Variants in PHF20 observed in about 807,000 individuals in gnomAD.
PHF20 encodes the protein PHD finger protein 20.
In PHF20, 23 loss-of-function variants were observed where a neutral mutation model predicts 113.5. The ratio of observed to expected loss-of-function variants is 0.20; its 90% CI spans 0.15 to 0.29. PHF20 has a LOEUF of 0.29. PHF20 is among the 10% of genes least tolerant of loss of function. PHF20 has a pLI of 1.00. For synonymous variants in PHF20, 434 were observed against 457.3 expected, an observed-to-expected ratio of 0.95 and a Z score of 0.65; for missense variants, 943 against 1,219.6, an observed-to-expected ratio of 0.77 and a Z score of 3.38.
At chr20:35,945,479 CAG>C (rs1279210750) in intron 17 of PHF20, among the ~76,000 whole-genome samples, 1 of 152,116 alleles carries the variant, frequency 6.6e-6, no homozygotes, top group African/African-American at 2.4e-5. Flanking sequence ...TCACAAGAAA[CAG>C]AGGATTTAGA....
chr20:35,859,518 T>C (rs2054177491), intron 5 of PHF20, among the ~76,000 whole-genome samples: 1 of 151,950 alleles, frequency 6.6e-6, no homozygotes, highest in Admixed American at 6.6e-5. Flanking sequence ...TATTTGGTGA[T>C]GCTATAACCT....
At chr20:35,920,607 G>A (rs533936371) in intron 13 of PHF20, among the ~76,000 whole-genome samples, 5 of 152,222 alleles carry the variant, frequency 3.3e-5, no homozygotes, top group South Asian at 4.1e-4. Flanking sequence ...TTCCCTATGC[G>A]GCCTTAGCTA....
chr20:35,871,127 T>C lies in PHF20; in HGVS notation c.1095T>C (p.Ser365=), dbSNP rs371680547. The C allele has an allele frequency of 6.2e-7, 1 of 1,608,246 alleles. No homozygotes were observed. Among genetic ancestry groups the C allele is most frequent in the Non-Finnish European group, 8.5e-7 (1 of 1,178,576 alleles). ...ACACGTTGTCTAGTACCAAGGAATC[T>C]GAAGAAGGTGAGTCAGTCTGTTCAG... The part of the protein sequence containing the change: ...LQDTLSSTKE[S]EEGQLKSALE... Residue 365 remains serine (S), a synonymous_variant, in exon 8 of 18, where the codon TCT becomes TCC. Coordinates refer to ENST00000374012, the MANE Select transcript of PHF20 (RefSeq NM_016436.5).
chr20:35,789,276 C>T (rs1380406568), intron 1 of PHF20, among the ~76,000 whole-genome samples: 1 of 151,934 alleles, frequency 6.6e-6, no homozygotes, highest in East Asian at 1.9e-4. Flanking sequence ...AGTAAAAATA[C>T]AAAAATTAGC....
At chr20:35,800,019 C>T (rs1462351585) in intron 1 of PHF20, 2 of 152,078 alleles carry the variant, frequency 1.3e-5, no homozygotes, top group Non-Finnish European at 2.9e-5. Context: ...ATCCAGTACA[C>T]CTTTTTTTTC....
At chr20:35,916,283 T>C (rs2055402217) in intron 12 of PHF20, among the ~76,000 whole-genome samples, 1 of 152,262 alleles carries the variant, frequency 6.6e-6, no homozygotes, top group Admixed American at 6.5e-5. Context: ...TAAAATAATA[T>C]ACAATATCTG....
intron 17 of PHF20, among the ~76,000 whole-genome samples, chr20:35,941,569 G>T (rs1462430955): frequency 6.6e-6 from 1 of 152,152 alleles, no homozygotes; most frequent in Non-Finnish European, 1.5e-5. Context: ...AGGCCTGGAG[G>T]ATCAAACCGG....
intron 1 of PHF20, among the ~76,000 whole-genome samples, chr20:35,787,368 G>A (rs2041443127): frequency 6.6e-6 from 1 of 151,248 alleles, no homozygotes; most frequent in Non-Finnish European, 1.5e-5. Flanking sequence ...TAGTCTAGAC[G>A]AGGTTTCACC....
chr20:35,898,679 C>T (rs185819364), intron 9 of PHF20, among the ~76,000 whole-genome samples: 10 of 152,202 alleles, frequency 6.6e-5, no homozygotes, highest in Admixed American at 1.3e-4. Context: ...GGCATGATCT[C>T]GACTTACTGC....
At chr20:35,910,747 G>C (rs1273586734) in intron 10 of PHF20, among the ~76,000 whole-genome samples, 1 of 151,826 alleles carries the variant, frequency 6.6e-6, no homozygotes, top group East Asian at 1.9e-4. Context: ...TCCTGCCTCA[G>C]CCTCCCAAGT....
At chr20:35,781,473 A>G (rs1391851983) in intron 1 of PHF20, among the ~76,000 whole-genome samples, 1 of 152,184 alleles carries the variant, frequency 6.6e-6, no homozygotes, top group African/African-American at 2.4e-5. Flanking sequence ...CAGTTCTCCC[A>G]ACTCAAGCTG....
intron 14 of PHF20, among the ~76,000 whole-genome samples, chr20:35,930,829 G>C (rs2055738359): frequency 6.6e-6 from 1 of 152,190 alleles, no homozygotes; most frequent in Non-Finnish European, 1.5e-5. Flanking sequence ...AATGAGGCCA[G>C]TGTAAAGGTA....
At chr20:35,828,915 G>A (rs551756683) in intron 2 of PHF20, among the ~76,000 whole-genome samples, 1 of 152,304 alleles carries the variant, frequency 6.6e-6, no homozygotes, top group East Asian at 1.9e-4. Flanking sequence ...TCAAAATTTA[G>A]TGTCCTAAAA....
At chr20:35,832,912 G>C (rs114123020) in intron 2 of PHF20, among the ~76,000 whole-genome samples, 3 of 151,936 alleles carry the variant, frequency 2.0e-5, no homozygotes, top group East Asian at 1.9e-4. Flanking sequence ...TTAGCTGGGC[G>C]TGGTGGTGGG....
At chr20:35,866,166 C>T (rs765127600) in intron 6 of PHF20, among the ~76,000 whole-genome samples, 8 of 152,090 alleles carry the variant, frequency 5.3e-5, no homozygotes, top group Non-Finnish European at 1.0e-4. Flanking sequence ...GCCGATATCG[C>T]ACCACTGCTC....
At chr20:35,935,387 A>G (rs947355008) in intron 15 of PHF20, among the ~76,000 whole-genome samples, 2 of 151,956 alleles carry the variant, frequency 1.3e-5, no homozygotes, top group Non-Finnish European at 2.9e-5. Flanking sequence ...TGTTTTTGAG[A>G]CAAGGGTCTC....
chr20:35,873,619 C>G (rs1052808938), intron 9 of PHF20, among the ~76,000 whole-genome samples: 2 of 152,004 alleles, frequency 1.3e-5, no homozygotes, highest in African/African-American at 4.8e-5. Flanking sequence ...TAGGCACCCA[C>G]CACCACAATC....
intron 2 of PHF20, among the ~76,000 whole-genome samples, chr20:35,802,561 C>T (rs534020608): frequency 7.9e-5 from 12 of 152,036 alleles, no homozygotes; most frequent in Admixed American, 2.0e-4. Context: ...ATAGATTGAT[C>T]AGCTCTTCAG....
Position 35,939,078 on chromosome 20 carries a change from G to A in PHF20, c.2682G>A (p.Gly894=), listed in dbSNP as rs1308339189. ...GWPLDQDRSK[G]DSDPKPGSPK... ...CTCTAGACCAAGACAGGAGCAAGGG[G>A]GACAGTGACCCCAAACCCGGCTCCC... The change falls in exon 16 of 18, where the codon GGG becomes GGA. Residue 894 remains glycine (G), a synonymous_variant. Coordinates refer to ENST00000374012, the MANE Select transcript of PHF20 (RefSeq NM_016436.5). 3.1e-6 allele frequency: 5 copies of A among 1,611,094 alleles called. No homozygotes were observed. Among genetic ancestry groups the A allele is most frequent in the East Asian group, 2.2e-5 (1 of 44,826 alleles).
Sources: gnomAD v4.1 joint callset for allele counts (sites outside exome capture counted in the v4.1 genomes callset) on GRCh38, gnomAD v4.1.1 for gene constraint, MANE v1.5 for transcripts, NCBI Gene and HGNC (gene_info 2026-07-23, HGNC 2026-07-21) for gene names.